PLCZ1: variants seen among roughly 807,000 people sequenced by gnomAD.
PLCZ1 encodes phospholipase C zeta 1.
PLCZ1 carries 64 observed loss-of-function variants against 76.8 expected under a neutral mutation model. That is an observed-to-expected ratio of 0.83 (90% CI 0.68 to 1.03). The LOEUF (loss-of-function observed/expected upper bound fraction) is 1.03. Ranked by LOEUF, PLCZ1 falls within the 50% of genes least tolerant of loss-of-function variation. The pLI is 0.00. For synonymous variants in PLCZ1, 248 were observed against 230.8 expected, an observed-to-expected ratio of 1.07 and a Z score of -0.68; for missense variants, 751 against 713.7, an observed-to-expected ratio of 1.05 and a Z score of -0.60.
chr12:18,692,668 T>A lies in PLCZ1; in HGVS notation c.1461+2242A>T, dbSNP rs150557740. ...AATTATGCAGGAGAAAAAAATCATT[T>A]CTACATTGAAATCAGTAAAGAACAA... On this transcript the variant is annotated intron_variant, in intron 12 of 14. Coordinates refer to ENST00000266505, the MANE Select transcript of PLCZ1 (RefSeq NM_033123.4). 630 of 660,792 alleles carry A rather than the reference T, an allele frequency of 9.5e-4. 2 individuals are homozygous for A. In the African/African-American group the frequency reaches 0.011, roughly 11 times the overall value. 40.9% of individuals were successfully genotyped at this position (660,792 alleles called of 1,614,324 possible).
At chr12:18,660,451 G>A in the PLCZ1 span, among the ~76,000 whole-genome samples, 5 of 152,108 alleles carry the variant, frequency 3.3e-5, no homozygotes, top group South Asian at 2.1e-4. Flanking sequence ...AAGGGCCAGC[G>A]CCTCGGCACC....
chr12:18,694,304 C>T (rs11044252), intron 12 of PLCZ1, among the ~76,000 whole-genome samples: 10,461 of 152,094 alleles, frequency 0.069, 410 homozygotes, highest in Middle Eastern at 0.088. Flanking sequence ...CCCAATAAAG[C>T]GCGCTCTTTC....
intron 13 of PLCZ1, among the ~76,000 whole-genome samples, chr12:18,686,857 G>A (rs1953229451): frequency 6.6e-6 from 1 of 152,078 alleles, no homozygotes; most frequent in South Asian, 2.1e-4. Context: ...GCTCAGTAAT[G>A]TTTGATGAAC....
Position 18,695,016 on chromosome 12 carries a change from T to G in PLCZ1, c.1355A>C (p.Asn452Thr). 6.2e-7 allele frequency: 1 copy of G among 1,612,656 alleles called. No homozygotes were observed. The highest frequency in any genetic ancestry group is 8.5e-7 in the Non-Finnish European group (1 of 1,178,874). Residue 452 changes from asparagine (N) to threonine (T), a missense_variant, in exon 12 of 15, where the codon AAT becomes ACT. Physicochemically the swap from Asn to Thr is moderately conservative, Grantham distance 65. Transcript: ENST00000266505. ...MDLQNGKFLD[N>T]GGSGYILKPH... ...TTTCAAAATATATCCAGAACCACCATTATCCAAAAATTTCCCATTTTGCAG... is the reference window on the plus strand; with the variant it reads ...TTTCAAAATATATCCAGAACCACCAGTATCCAAAAATTTCCCATTTTGCAG...
At chr12:18,693,906 A>T in intron 12 of PLCZ1, 1 of 1,528,518 alleles carries the variant, frequency 6.5e-7, no homozygotes, top group Non-Finnish European at 9.1e-7. Flanking sequence ...CTGGCTGATG[A>T]TGTAACCCTG....
At chr12:18,645,943 G>T in the PLCZ1 span, among the ~76,000 whole-genome samples, 1 of 152,108 alleles carries the variant, frequency 6.6e-6, no homozygotes, top group African/African-American at 2.4e-5. Flanking sequence ...AAATAAGAGA[G>T]GAGTTCATCA....
chr12:18,673,296 A>C, the PLCZ1 span, among the ~76,000 whole-genome samples: 1 of 152,188 alleles, frequency 6.6e-6, no homozygotes, highest in Non-Finnish European at 1.5e-5. Flanking sequence ...TTCAAATTTC[A>C]CATTTGAAAT....
At chr12:18,736,570 A>C in intron 2 of PLCZ1, 1 of 1,273,954 alleles carries the variant, frequency 7.8e-7, no homozygotes, top group Non-Finnish European at 1.0e-6. Context: ...TACAAAAAAA[A>C]GAATTAAAGT....
At chr12:18,691,442 T>C (rs768483820) in intron 12 of PLCZ1, among the ~76,000 whole-genome samples, 8 of 152,144 alleles carry the variant, frequency 5.3e-5, no homozygotes, top group Non-Finnish European at 7.4e-5. Context: ...TATGAATGTT[T>C]ATGTAACAGA....
the PLCZ1 span, among the ~76,000 whole-genome samples, chr12:18,661,381 AG>A: frequency 1.7e-5 from 1 of 59,448 alleles, no homozygotes; most frequent in Non-Finnish European, 5.8e-5. Context: ...AAAAAAAGAG[AG>A]AGAGAGAATC....
intron 13 of PLCZ1, 36 bp downstream of exon 13, chr12:18,688,053 C>G (rs1953436558): frequency 2.5e-6 from 4 of 1,604,426 alleles, no homozygotes; most frequent in Non-Finnish European, 3.4e-6. Flanking sequence ...AACAAGAAGT[C>G]TAATGGAAAT....
At chr12:18,683,068 T>A (rs897077013), downstream of PLCZ1, 24 of 655,878 alleles carry the variant, frequency 3.7e-5, no homozygotes, top group Admixed American at 8.7e-5. Context: ...AGTTTCTATT[T>A]TCTTTTCTTC....
At position 18,696,651 on chromosome 12, in the gene PLCZ1, T is replaced by C. The variant is rs527332157; in HGVS notation, c.1175-385A>G. Among the ~76,000 whole-genome samples the C allele has an allele frequency of 2.9e-3, 437 of 152,108 alleles. 2 individuals are homozygous for C. The highest frequency in any genetic ancestry group is 5.2e-3 in the Non-Finnish European group (353 of 68,000). Reference sequence around the variant, plus strand: ...ACAAAAGCAGCATTTTCCCTTATTATTTTTCCACTTTGATTTTCACAGTAG... The same window carrying C: ...ACAAAAGCAGCATTTTCCCTTATTACTTTTCCACTTTGATTTTCACAGTAG... On this transcript the variant is annotated intron_variant, in intron 10 of 14. Transcript: ENST00000266505.
chr12:18,721,715 T>TAA (rs35492057), intron 4 of PLCZ1, among the ~76,000 whole-genome samples: 6 of 139,888 alleles, frequency 4.3e-5, no homozygotes, highest in South Asian at 4.6e-4. Context: ...GTCTTGCTAT[T>TAA]AAAAAAAAAA....
rs948806888 is a variant in PLCZ1 at position 18,696,350 on chromosome 12, A to C, written c.1175-84T>G. 3.2e-5 allele frequency: 8 copies of C among 247,368 alleles called. 1 individual carries two copies. The highest frequency in any genetic ancestry group is 2.0e-4 in the South Asian group (2 of 9,822). 15.3% of individuals were successfully genotyped at this position (247,368 alleles called of 1,614,324 possible). A position where few individuals can be genotyped will look rare whatever the true frequency, so the allele number is the denominator to read the frequency against. ...TATATATATATATATATATATATAT[A>C]TCATATAATTCTATAATAGTTTCAA... On this transcript the variant is annotated intron_variant, in intron 10 of 14. Coordinates refer to ENST00000266505, the MANE Select transcript of PLCZ1 (RefSeq NM_033123.4).
At chr12:18,694,012 G>T (rs187567906) in intron 12 of PLCZ1, 1 of 1,481,548 alleles carries the variant, frequency 6.7e-7, no homozygotes, top group African/African-American at 1.4e-5. Context: ...AACGTAGAAT[G>T]AAAGTAACAA....
the PLCZ1 span, among the ~76,000 whole-genome samples, chr12:18,657,708 G>A: frequency 2.0e-5 from 3 of 152,040 alleles, no homozygotes; most frequent in African/African-American, 4.8e-5. Flanking sequence ...AACCCCCAAG[G>A]AAGAAAGTGA....
the PLCZ1 span, among the ~76,000 whole-genome samples, chr12:18,671,512 T>C: frequency 1.6e-3 from 244 of 152,152 alleles, 2 homozygotes; most frequent in East Asian, 0.017. Context: ...GCTACAGCAT[T>C]CACTATGGAG....
chr12:18,693,178 G>C, intron 12 of PLCZ1: 1 of 1,549,558 alleles, frequency 6.5e-7, no homozygotes, highest in East Asian at 2.2e-5. Context: ...CACTACATCA[G>C]CATTCTTTCA....
Sources: gnomAD v4.1 joint callset for allele counts (sites outside exome capture counted in the v4.1 genomes callset) on GRCh38, gnomAD v4.1.1 for gene constraint, MANE v1.5 for transcripts, NCBI Gene and HGNC (gene_info 2026-07-23, HGNC 2026-07-21) for gene names.